Variants in FANCB observed in about 807,000 individuals in gnomAD.
The protein encoded by FANCB is FA complementation group B.
Under a neutral mutation model 38.9 loss-of-function variants are expected in FANCB, and 5 were observed. The ratio of observed to expected loss-of-function variants is 0.13; its 90% confidence interval spans 0.07 to 0.27. The LOEUF (loss-of-function observed/expected upper bound fraction) is 0.27, where lower values mean the gene tolerates loss of function less well. Among genes scored for constraint, FANCB ranks in the 10% least tolerant of loss-of-function variants. The probability of loss-of-function intolerance (pLI) is 1.00; values close to 1 mark genes in which losing one functional copy is unlikely to be tolerated. For missense variants in FANCB, 573 were observed against 602.7 expected (o/e 0.95, Z 0.52); for synonymous variants, 236 against 215.4 (o/e 1.10, Z -0.84).
the FANCB span, among the ~76,000 whole-genome samples, chrX:14,751,400 A>G: frequency 1.8e-5 from 2 of 112,197 alleles, no homozygotes; most frequent in Admixed American, 9.4e-5. Context: ...CTACCGTGTG[A>G]TTCCATTTAT....
the FANCB span, among the ~76,000 whole-genome samples, chrX:14,801,962 T>C: frequency 2.7e-5 from 3 of 111,591 alleles, no homozygotes; most frequent in African/African-American, 9.8e-5. Context: ...GCCTTATGAT[T>C]TCCTTGAAAC....
At chrX:14,804,426 T>C in the FANCB span, among the ~76,000 whole-genome samples, 8 of 111,085 alleles carry the variant, frequency 7.2e-5, no homozygotes, top group East Asian at 2.8e-4. Context: ...TAGGTGGGAA[T>C]TGAACAATGA....
chrX:14,733,988 C>G, the FANCB span, among the ~76,000 whole-genome samples: 1 of 111,633 alleles, frequency 9.0e-6, no homozygotes, highest in East Asian at 2.8e-4. Flanking sequence ...TTTTAATATT[C>G]TTTTATGTAT....
the FANCB span, among the ~76,000 whole-genome samples, chrX:14,724,143 CATTCGTATATGTATATGTGTGTATATGT>C: frequency 4.5e-5 from 5 of 111,332 alleles, no homozygotes; most frequent in African/African-American, 1.6e-4. Context: ...TGTGTATATG[CATTCGTATATGTATATGTGTGTATATGT>C]ATAAATATGT....
At chrX:14,866,718 T>C (rs906179632) in intron 2 of FANCB, among the ~76,000 whole-genome samples, 1 of 112,112 alleles carries the variant, frequency 8.9e-6, no homozygotes, top group African/African-American at 3.2e-5. Context: ...ATGAACTGCA[T>C]ACAAGAAATC....
chrX:14,807,560 C>G, the FANCB span, among the ~76,000 whole-genome samples: 1 of 111,713 alleles, frequency 9.0e-6, no homozygotes, highest in Non-Finnish European at 1.9e-5. Flanking sequence ...ATTTATTACT[C>G]ATACAATGTC....
At chrX:14,707,257 A>G in the FANCB span, among the ~76,000 whole-genome samples, 4 of 111,364 alleles carry the variant, frequency 3.6e-5, no homozygotes, top group African/African-American at 1.3e-4. Context: ...GGCTGAATCT[A>G]AATCCTGGCT....
the FANCB span, among the ~76,000 whole-genome samples, chrX:14,736,546 G>A: frequency 9.0e-6 from 1 of 111,297 alleles, no homozygotes; most frequent in Admixed American, 9.5e-5. Context: ...CCCTGCTTTG[G>A]CTCACCCTCC....
chrX:14,719,904 A>G, the FANCB span, among the ~76,000 whole-genome samples: 12 of 112,117 alleles, frequency 1.1e-4, no homozygotes, highest in Admixed American at 6.6e-4. Context: ...AGTATGGATG[A>G]GTCTGGAGGA....
At chrX:14,844,220 T>A (rs1336004607) in intron 9 of FANCB, among the ~76,000 whole-genome samples, 1 of 111,255 alleles carries the variant, frequency 9.0e-6, no homozygotes, top group African/African-American at 3.3e-5. Context: ...TGCTGAGTAA[T>A]AAGGTCAATA....
the FANCB span, among the ~76,000 whole-genome samples, chrX:14,726,278 C>A: frequency 1.8e-5 from 2 of 111,916 alleles, no homozygotes; most frequent in Non-Finnish European, 3.8e-5. Context: ...CAAAAAAATT[C>A]AAATTGGTTG....
At position 14,850,689 on chromosome X, in the gene FANCB, TTAAA is replaced by T. The variant is rs766440560; in HGVS notation, c.1327-19_1327-16del. 7 of 1,042,419 alleles carry T rather than the reference TTAAA, an allele frequency of 6.7e-6. No individual in the cohort carries two copies. The highest frequency in any genetic ancestry group is 6.2e-5 in the East Asian group (2 of 32,349). The allele number at this position is 1,042,419 out of a possible 1,213,427, so 85.9% of individuals were successfully genotyped here. A position where few individuals can be genotyped will look rare whatever the true frequency, so the allele number is the denominator to read the frequency against. On this transcript the variant is annotated splice_polypyrimidine_tract_variant and intron_variant, in intron 6 of 9. Transcript: ENST00000650831. Reference sequence around the variant, plus strand: ...AGACATTCCTTCTAAAAAAAAAAGTTTAAATAACTGATTATAAAATACGTACCGT... The same window carrying T: ...AGACATTCCTTCTAAAAAAAAAAGTTTAACTGATTATAAAATACGTACCGT...
chrX:14,810,508 A>G, the FANCB span, among the ~76,000 whole-genome samples: 1 of 112,513 alleles, frequency 8.9e-6, no homozygotes, highest in Non-Finnish European at 1.9e-5. Context: ...CTCGAGAACT[A>G]CGCGAAGAAA....
chrX:14,698,009 TTAAC>T, the FANCB span, among the ~76,000 whole-genome samples: 1 of 111,684 alleles, frequency 9.0e-6, no homozygotes, highest in Non-Finnish European at 1.9e-5. Context: ...ATTGAGTAAA[TTAAC>T]TAATAACAAT....
At chrX:14,732,720 G>A in the FANCB span, among the ~76,000 whole-genome samples, 1 of 111,675 alleles carries the variant, frequency 9.0e-6, no homozygotes, top group Non-Finnish European at 1.9e-5. Context: ...CCCACTTTTT[G>A]ATGGGGTTGA....
the FANCB span, among the ~76,000 whole-genome samples, chrX:14,820,635 G>A: frequency 9.0e-6 from 1 of 111,393 alleles, no homozygotes; most frequent in Admixed American, 9.6e-5. Flanking sequence ...GCAGAGTAGT[G>A]GCAATAAATA....
At chrX:14,755,819 A>G in the FANCB span, among the ~76,000 whole-genome samples, 1 of 111,526 alleles carries the variant, frequency 9.0e-6, no homozygotes, top group African/African-American at 3.3e-5. Context: ...TTCATATAGA[A>G]CCACAAAAGA....
downstream of FANCB, chrX:14,835,353 A>G: frequency 2.5e-6 from 1 of 395,024 alleles, no homozygotes; most frequent in Non-Finnish European, 4.8e-6. Flanking sequence ...GTGGGAGAGA[A>G]GGTGGACAGA....
the FANCB span, among the ~76,000 whole-genome samples, chrX:14,806,271 T>A: frequency 8.9e-6 from 1 of 111,921 alleles, no homozygotes; most frequent in Non-Finnish European, 1.9e-5. Context: ...GAGACATGCA[T>A]TGAGAATTTC....
Sources: gnomAD v4.1 joint callset for allele counts (sites outside exome capture counted in the v4.1 genomes callset) on GRCh38, gnomAD v4.1.1 for gene constraint, MANE v1.5 for transcripts, NCBI Gene and HGNC (gene_info 2026-07-23, HGNC 2026-07-21) for gene names.